The following KCNT2 variants were observed in gnomAD, a reference collection of about 807,000 sequenced individuals.
KCNT2 encodes potassium channel subfamily T member 2.
A neutral mutation model predicts 153.8 loss-of-function variants in KCNT2; 67 were observed. That is an observed-to-expected ratio of 0.44 (90% CI 0.36 to 0.53). The LOEUF is 0.53. Among genes scored for constraint, KCNT2 ranks in the 20% least tolerant of loss-of-function variants. KCNT2 has a pLI of 0.00. For synonymous variants in KCNT2, 500 were observed against 458.8 expected (o/e 1.09, Z -1.15); for missense variants, 975 against 1,354.8 (o/e 0.72, Z 4.40).
chr1:196,555,456 A>G (rs950181332), intron 1 of KCNT2, among the ~76,000 whole-genome samples: 1 of 151,328 alleles, frequency 6.6e-6, no homozygotes, highest in Non-Finnish European at 1.5e-5. Flanking sequence ...GAAGTGAAAG[A>G]TGTCTATAAT....
chr1:196,294,300 T>C (rs940510895), intron 22 of KCNT2, among the ~76,000 whole-genome samples: 2 of 152,102 alleles, frequency 1.3e-5, no homozygotes, highest in African/African-American at 4.8e-5. Flanking sequence ...TTTTTGAGAC[T>C]GAATCTCGCT....
chr1:196,465,308 C>T lies in KCNT2; in HGVS notation c.623G>A (p.Cys208Tyr). Residue 208 changes from cysteine to tyrosine, a missense_variant, in exon 8 of 28, where the codon TGC becomes TAC. Cys to Tyr is a radical substitution (Grantham distance 194). This residue lies in a region of KCNT2 where 202 missense variants were observed against 314.9 expected (regional missense o/e 0.64). Coordinates refer to ENST00000294725, the MANE Select transcript of KCNT2 (RefSeq NM_198503.5). ...ACAATCTTACCAGGTGAAGATAAGG[C>T]ATAGTAATGTAGATATTAAAATCAA... ...QVLILISTLL[C>Y]LIFTCICGIQ... is the part of the protein sequence containing the mutation. 1.3e-6 allele frequency: 2 copies of T among 1,569,338 alleles called. No individual in the cohort carries two copies. The highest frequency in any genetic ancestry group is 1.8e-6 in the Non-Finnish European group (2 of 1,140,352).
intron 6 of KCNT2, 74 bp downstream of exon 6, chr1:196,468,920 A>G (rs976556163): frequency 7.2e-6 from 6 of 829,474 alleles, no homozygotes; most frequent in Non-Finnish European, 9.9e-6. Context: ...ATATTATTTA[A>G]CAGTATCTAG....
chr1:196,311,468 A>G (rs2148003546), intron 21 of KCNT2, among the ~76,000 whole-genome samples: 1 of 152,042 alleles, frequency 6.6e-6, no homozygotes, highest in African/African-American at 2.4e-5. Flanking sequence ...CAATGTTTCC[A>G]TTGACATTGC....
At chr1:196,550,697 C>T (rs1471636019) in intron 1 of KCNT2, among the ~76,000 whole-genome samples, 1 of 151,804 alleles carries the variant, frequency 6.6e-6, no homozygotes, top group Non-Finnish European at 1.5e-5. Flanking sequence ...GAAAACTGCA[C>T]ATGCTCTGTT....
chr1:196,483,271 C>G (rs1012014069), intron 3 of KCNT2, among the ~76,000 whole-genome samples: 1 of 152,094 alleles, frequency 6.6e-6, no homozygotes, highest in Non-Finnish European at 1.5e-5. Context: ...CCTTTTCAGT[C>G]ATTACAACAA....
At chr1:196,304,998 ATACT>A (rs531434791) in intron 22 of KCNT2, among the ~76,000 whole-genome samples, 89 of 152,296 alleles carry the variant, frequency 5.8e-4, no homozygotes, top group Admixed American at 2.6e-3. Context: ...CATGTGTTTA[ATACT>A]TAATAATAAT....
At chr1:196,501,265 T>C (rs1680674051) in intron 1 of KCNT2, among the ~76,000 whole-genome samples, 1 of 152,166 alleles carries the variant, frequency 6.6e-6, no homozygotes, top group South Asian at 2.1e-4. Flanking sequence ...TGTATTTTTA[T>C]TGCAGCACTA....
intron 13 of KCNT2, among the ~76,000 whole-genome samples, chr1:196,381,327 A>G: frequency 6.6e-6 from 1 of 151,852 alleles, no homozygotes; most frequent in East Asian, 1.9e-4. Flanking sequence ...TTGAAAAATT[A>G]TTTTCCTCCA....
intron 1 of KCNT2, among the ~76,000 whole-genome samples, chr1:196,547,792 T>C (rs768793057): frequency 9.9e-5 from 15 of 151,788 alleles, no homozygotes; most frequent in Non-Finnish European, 2.2e-4. Flanking sequence ...AATTTATAAT[T>C]TGAAAAAAAG....
At chr1:196,604,057 G>A (rs10754197) in intron 1 of KCNT2, among the ~76,000 whole-genome samples, 118,487 of 152,198 alleles carry the variant, frequency 0.78, 49,660 homozygotes, top group East Asian at 0.97. Flanking sequence ...TCCAAGGCAG[G>A]AAGATGGCTT....
At chr1:196,272,041 A>G (rs1199184113) in intron 25 of KCNT2, among the ~76,000 whole-genome samples, 1 of 151,916 alleles carries the variant, frequency 6.6e-6, no homozygotes, top group Non-Finnish European at 1.5e-5. Flanking sequence ...TGAAATGATA[A>G]GAATATGTTT....
At chr1:196,316,617 C>T (rs1477498767) in intron 20 of KCNT2, among the ~76,000 whole-genome samples, 2 of 151,598 alleles carry the variant, frequency 1.3e-5, no homozygotes, top group Non-Finnish European at 3.0e-5. Flanking sequence ...ACTGTTTAGC[C>T]AGCCTAAGTT....
intron 22 of KCNT2, among the ~76,000 whole-genome samples, chr1:196,303,618 A>G (rs1372918300): frequency 6.6e-6 from 1 of 152,186 alleles, no homozygotes; most frequent in African/African-American, 2.4e-5. Flanking sequence ...TACTAATTAT[A>G]TGTCAAATGC....
intron 8 of KCNT2, among the ~76,000 whole-genome samples, chr1:196,450,618 A>G (rs924460338): frequency 2.6e-5 from 4 of 151,608 alleles, no homozygotes; most frequent in African/African-American, 9.7e-5. Flanking sequence ...AAAGTGTGTC[A>G]CTTCTGTCTT....
In KCNT2 at chr1:196,283,310, G is replaced by A. The variant is rs187407398; in HGVS notation, c.2698-954C>T. Among the ~76,000 whole-genome samples the A allele has an allele frequency of 2.9e-3, 448 of 152,060 alleles. 11 individuals carry two copies. The highest frequency in any genetic ancestry group is 1.4e-3 in the Non-Finnish European group (96 of 67,980). On this transcript the variant is annotated intron_variant, in intron 23 of 27. Transcript: ENST00000294725. ...CAGAAAATTAGCTGGGCGTGGTGGC[G>A]GGCACCTGTAGTCCCAGCTACTTGG...
At chr1:196,258,096 G>A in intron 26 of KCNT2, 98 bp downstream of exon 26, 1 of 1,479,236 alleles carries the variant, frequency 6.8e-7, no homozygotes, top group Non-Finnish European at 9.0e-7. Context: ...GACCTGTGAA[G>A]CAAAAATTCA....
chr1:196,445,310 C>T (rs1675592462), intron 8 of KCNT2, among the ~76,000 whole-genome samples: 1 of 151,342 alleles, frequency 6.6e-6, no homozygotes, highest in African/African-American at 2.4e-5. Flanking sequence ...GATTTGTACA[C>T]ATTTATTGCA....
chr1:196,461,333 GAGA>G (rs1267818408), intron 8 of KCNT2, among the ~76,000 whole-genome samples: 1 of 151,622 alleles, frequency 6.6e-6, no homozygotes, highest in African/African-American at 2.4e-5. Context: ...AAATAAGACT[GAGA>G]AGGTGAATTG....
Sources: allele counts gnomAD v4.1 joint callset (sites outside exome capture counted in the v4.1 genomes callset), GRCh38; gene constraint gnomAD v4.1.1; regional missense constraint gnomAD v4.1.1; transcripts MANE v1.5; gene names NCBI Gene and HGNC (gene_info 2026-07-23, HGNC 2026-07-21).